The following CDH18 variants were observed in gnomAD, a reference collection of about 807,000 sequenced individuals.
The protein encoded by CDH18 is cadherin 18.
In CDH18, 31 loss-of-function variants were observed where a neutral mutation model predicts 67.9. The observed-to-expected ratio is 0.46, with a 90% CI of 0.34 to 0.62. CDH18 has a LOEUF of 0.62. Among genes scored for constraint, CDH18 ranks in the 20% least tolerant of loss-of-function variants. The pLI, the probability that CDH18 is intolerant of heterozygous loss-of-function variation, is 0.01. For missense variants in CDH18, 890 were observed against 975.5 expected, an observed-to-expected ratio of 0.91 and a Z score of 1.17; for synonymous variants, 362 against 347.2, an observed-to-expected ratio of 1.04 and a Z score of -0.48.
At chr5:19,860,911 T>C (rs1259607349) in intron 2 of CDH18, among the ~76,000 whole-genome samples, 1 of 152,152 alleles carries the variant, frequency 6.6e-6, no homozygotes, top group Admixed American at 6.6e-5. Context: ...TAATTGTCTC[T>C]CTAAATACCT....
At chr5:20,000,062 C>T (rs1427074336) in intron 2 of CDH18, among the ~76,000 whole-genome samples, 2 of 151,988 alleles carry the variant, frequency 1.3e-5, no homozygotes, top group African/African-American at 4.8e-5. Context: ...GGCAGTGAGA[C>T]CAAACTATAT....
At chr5:19,791,356 A>AACACACACACACAC (rs58429751) in intron 3 of CDH18, among the ~76,000 whole-genome samples, 7,861 of 141,454 alleles carry the variant, frequency 0.056, 287 homozygotes, top group African/African-American at 0.096. Context: ...TCGACTTTTA[A>AACACACACACACAC]ACACACACAC....
chr5:19,790,361 T>A (rs558054548), intron 3 of CDH18, among the ~76,000 whole-genome samples: 1 of 152,344 alleles, frequency 6.6e-6, no homozygotes, highest in Admixed American at 6.5e-5. Flanking sequence ...ATATATTTAA[T>A]GATTTTTAGA....
intron 1 of CDH18, among the ~76,000 whole-genome samples, chr5:20,394,742 A>G (rs1745142976): frequency 6.6e-6 from 1 of 152,136 alleles, no homozygotes; most frequent in South Asian, 2.1e-4. Flanking sequence ...GCAAGAAATA[A>G]ACAAATAATC....
At chr5:20,458,141 A>G (rs76649437) in intron 1 of CDH18, among the ~76,000 whole-genome samples, 2,005 of 152,214 alleles carry the variant, frequency 0.013, 38 homozygotes, top group African/African-American at 0.045. Flanking sequence ...TTTTTGAGAC[A>G]GAGTATATCT....
intron 2 of CDH18, among the ~76,000 whole-genome samples, chr5:19,978,656 C>A (rs976049207): frequency 2.6e-5 from 4 of 152,084 alleles, no homozygotes; most frequent in Non-Finnish European, 4.4e-5. Context: ...GGGGAGAATC[C>A]ATTTCCTTTG....
At chr5:20,249,328 A>G (rs907405349) in intron 2 of CDH18, among the ~76,000 whole-genome samples, 3 of 151,700 alleles carry the variant, frequency 2.0e-5, no homozygotes, top group Non-Finnish European at 4.4e-5. Flanking sequence ...TTAATTGCCT[A>G]CTAAACTTGG....
rs774684161 is a variant in CDH18 at position 19,472,401 on chromosome 5, G to T, written c.*825C>A. ...AAAAGTTCCCCAACATTTGGTAGAA[G>T]ATAAGGTGTGTGGCTATTTTTAAAA... On this transcript the variant is annotated 3_prime_UTR_variant, in exon 13 of 13. Coordinates refer to ENST00000382275, the MANE Select transcript of CDH18 (RefSeq NM_004934.5). Among the ~76,000 whole-genome samples, 7 of 152,136 alleles carry T rather than the reference G, an allele frequency of 4.6e-5. No individual in the cohort carries two copies. The highest frequency in any genetic ancestry group is 8.8e-5 in the Non-Finnish European group (6 of 68,004).
intron 1 of CDH18, among the ~76,000 whole-genome samples, chr5:20,559,471 G>A (rs1758085942): frequency 6.6e-6 from 1 of 151,960 alleles, no homozygotes; most frequent in South Asian, 2.1e-4. Context: ...AAAATAGTAT[G>A]GTATATAATG....
At chr5:20,477,743 A>G (rs1752537140) in intron 1 of CDH18, among the ~76,000 whole-genome samples, 1 of 152,166 alleles carries the variant, frequency 6.6e-6, no homozygotes, top group African/African-American at 2.4e-5. Flanking sequence ...CCTGGTGCTG[A>G]GCTGGGCTTG....
chr5:20,018,289 G>A (rs1336581751), intron 2 of CDH18, among the ~76,000 whole-genome samples: 1 of 152,152 alleles, frequency 6.6e-6, no homozygotes, highest in Non-Finnish European at 1.5e-5. Context: ...GATACAGGTA[G>A]AAGTAGAGTT....
intron 1 of CDH18, among the ~76,000 whole-genome samples, chr5:20,347,297 G>C (rs1410806932): frequency 6.6e-6 from 1 of 152,128 alleles, no homozygotes; most frequent in African/African-American, 2.4e-5. Flanking sequence ...CTTCTTCCGA[G>C]GCCTGCTAGA....
chr5:20,349,681 A>T (rs1741004134), intron 1 of CDH18, among the ~76,000 whole-genome samples: 1 of 152,148 alleles, frequency 6.6e-6, no homozygotes, highest in Admixed American at 6.6e-5. Flanking sequence ...CTTATCTGTC[A>T]GTTTAATGAA....
chr5:20,313,360 A>AT (rs561442489), intron 1 of CDH18, among the ~76,000 whole-genome samples: 3 of 152,048 alleles, frequency 2.0e-5, no homozygotes, highest in Non-Finnish European at 2.9e-5. Flanking sequence ...ATAGAGACTG[A>AT]TTTTTTTGTC....
intron 2 of CDH18, among the ~76,000 whole-genome samples, chr5:20,206,535 A>T (rs574395370): frequency 1.1e-4 from 16 of 152,120 alleles, no homozygotes; most frequent in African/African-American, 3.9e-4. Flanking sequence ...AGAAAAAAGA[A>T]AAGTATAGGT....
At chr5:20,186,046 C>T (rs891043599) in intron 2 of CDH18, among the ~76,000 whole-genome samples, 8 of 151,944 alleles carry the variant, frequency 5.3e-5, no homozygotes, top group Admixed American at 2.0e-4. Context: ...GAAGACTCAT[C>T]TGTTGAATTC....
chr5:20,254,463 C>T (rs903430815), intron 2 of CDH18, among the ~76,000 whole-genome samples: 8 of 152,136 alleles, frequency 5.3e-5, no homozygotes, highest in African/African-American at 1.7e-4. Context: ...TTATTTCCCA[C>T]CAAACTAACT....
intron 6 of CDH18, among the ~76,000 whole-genome samples, chr5:19,608,240 T>C (rs2150093077): frequency 1.3e-5 from 2 of 151,782 alleles, no homozygotes; most frequent in Middle Eastern, 3.4e-3. Context: ...ATCAAATATA[T>C]ACTGTCATTT....
chr5:19,802,145 T>G (rs540912334), intron 3 of CDH18, among the ~76,000 whole-genome samples: 16 of 152,284 alleles, frequency 1.1e-4, no homozygotes, highest in African/African-American at 3.8e-4. Context: ...TATATCATTT[T>G]CTTTCTGCTT....
Sources: gnomAD v4.1 joint callset for allele counts (sites outside exome capture counted in the v4.1 genomes callset) on GRCh38, gnomAD v4.1.1 for gene constraint, MANE v1.5 for transcripts, NCBI Gene and HGNC (gene_info 2026-07-23, HGNC 2026-07-21) for gene names.